Variants in NCF2 observed in about 807,000 individuals in gnomAD.
The protein encoded by NCF2 is neutrophil cytosolic factor 2.
A neutral mutation model predicts 70.9 loss-of-function variants in NCF2; 45 were observed. The observed-to-expected ratio is 0.63, with a 90% CI of 0.50 to 0.81. The LOEUF (loss-of-function observed/expected upper bound fraction) is 0.81, where lower values mean the gene tolerates loss of function less well. NCF2 is among the 40% of genes least tolerant of loss of function. The probability of loss-of-function intolerance (pLI) is 0.00; values close to 1 mark genes in which losing one functional copy is unlikely to be tolerated. For synonymous variants in NCF2, 203 were observed against 233.6 expected, an observed-to-expected ratio of 0.87 and a Z score of 1.19; for missense variants, 522 against 631.6, an observed-to-expected ratio of 0.83 and a Z score of 1.86.
At chr1:183,599,484 C>CTTTCTTTCTTTCTT in the NCF2 span, among the ~76,000 whole-genome samples, 2 of 40,694 alleles carry the variant, frequency 4.9e-5, no homozygotes, top group Middle Eastern at 0.012. Context: ...CTTTCTTTCT[C>CTTTCTTTCTTTCTT]TTTTCTTTCT....
chr1:183,590,544 C>A (rs1233704634), upstream of NCF2: 4 of 640,444 alleles, frequency 6.2e-6, no homozygotes, highest in Non-Finnish European at 1.1e-5. Flanking sequence ...GACTCATAAC[C>A]CTACCATGAG....
chr1:183,598,501 C>G, the NCF2 span, among the ~76,000 whole-genome samples: 1 of 151,698 alleles, frequency 6.6e-6, no homozygotes, highest in Non-Finnish European at 1.5e-5. Flanking sequence ...TGGCTTCTGA[C>G]CAAGGAGAAA....
At chr1:183,557,645 TAC>T (rs1349267465) in intron 14 of NCF2, among the ~76,000 whole-genome samples, 1 of 152,230 alleles carries the variant, frequency 6.6e-6, no homozygotes, top group Non-Finnish European at 1.5e-5. Context: ...CTTAGACTTG[TAC>T]AGATAGGTCA....
intron 3 of NCF2, 92 bp from the exon 4 acceptor site, chr1:183,574,713 C>A: frequency 6.7e-7 from 1 of 1,488,820 alleles, no homozygotes; most frequent in South Asian, 1.1e-5. Context: ...AGAATGTTGC[C>A]TGGTAGCCTT....
intron 3 of NCF2, among the ~76,000 whole-genome samples, chr1:183,575,312 A>G (rs1672752539): frequency 6.6e-6 from 1 of 152,240 alleles, no homozygotes; most frequent in East Asian, 1.9e-4. Context: ...TCTACTAAAA[A>G]TACAAAAATT....
intron 6 of NCF2, 186 bp from the exon 7 acceptor site, chr1:183,569,371 C>T (rs1672447296): frequency 4.6e-6 from 3 of 649,034 alleles, no homozygotes; most frequent in Non-Finnish European, 8.4e-6. Flanking sequence ...TGGGAAATAA[C>T]ACCTCCCACC....
At chr1:183,566,563 A>G (rs1239204056) in intron 9 of NCF2, among the ~76,000 whole-genome samples, 1 of 152,170 alleles carries the variant, frequency 6.6e-6, no homozygotes, top group African/African-American at 2.4e-5. Flanking sequence ...TTCTAATGGC[A>G]TTGTACCAGC....
chr1:183,561,049 C>G (rs1460534300), intron 13 of NCF2, among the ~76,000 whole-genome samples: 1 of 152,226 alleles, frequency 6.6e-6, no homozygotes, highest in Non-Finnish European at 1.5e-5. Flanking sequence ...AATTCTGATA[C>G]TTGCTAAAGT....
At chr1:183,577,373 C>A (rs1672842645) in intron 3 of NCF2, among the ~76,000 whole-genome samples, 1 of 152,238 alleles carries the variant, frequency 6.6e-6, no homozygotes, top group Non-Finnish European at 1.5e-5. Context: ...TTGCGCTTCA[C>A]ATTAATAAAA....
At chr1:183,585,880 C>A (rs1365875466) in intron 2 of NCF2, among the ~76,000 whole-genome samples, 1 of 152,106 alleles carries the variant, frequency 6.6e-6, no homozygotes, top group Non-Finnish European at 1.5e-5. Flanking sequence ...TATAAACAAA[C>A]CTAAAAATGC....
chr1:183,564,907 G>A (rs764328286), intron 10 of NCF2, among the ~76,000 whole-genome samples: 3 of 152,204 alleles, frequency 2.0e-5, no homozygotes, highest in Non-Finnish European at 4.4e-5. Flanking sequence ...GAAGTGTCAC[G>A]AGTCTGTAAC....
chr1:183,592,320 C>A (rs997679393), upstream of NCF2, among the ~76,000 whole-genome samples: 9 of 152,250 alleles, frequency 5.9e-5, no homozygotes, highest in Admixed American at 3.9e-4. Context: ...CTTTGCCTGG[C>A]AAACTCCTAC....
intron 10 of NCF2, among the ~76,000 whole-genome samples, chr1:183,564,278 C>G (rs1672210269): frequency 6.6e-6 from 1 of 151,944 alleles, no homozygotes; most frequent in Admixed American, 6.6e-5. Flanking sequence ...TACCAAAGGA[C>G]CAGCATATCC....
At chr1:183,564,069 G>A in intron 10 of NCF2, 39 bp from the exon 11 acceptor site, 1 of 1,591,622 alleles carries the variant, frequency 6.3e-7, no homozygotes. Context: ...AAAGAAGATG[G>A]TGAATGAACA....
intron 13 of NCF2, among the ~76,000 whole-genome samples, chr1:183,562,178 G>A (rs1439261957): frequency 6.6e-6 from 1 of 152,108 alleles, no homozygotes; most frequent in Non-Finnish European, 1.5e-5. Context: ...AGTTGTAAGA[G>A]GGTTGGCTAT....
intron 2 of NCF2, among the ~76,000 whole-genome samples, chr1:183,581,037 T>C (rs1345426120): frequency 6.7e-6 from 1 of 149,128 alleles, no homozygotes; most frequent in African/African-American, 2.5e-5. Flanking sequence ...GAGAAAGAAC[T>C]GACAAATTAT....
chr1:183,581,653 G>T (rs1340940038), intron 2 of NCF2, among the ~76,000 whole-genome samples: 2 of 147,610 alleles, frequency 1.4e-5, no homozygotes, highest in East Asian at 2.1e-4. Context: ...TTAAAACGGG[G>T]AAGGGGCATC....
chr1:183,581,703 C>G (rs1673090654), intron 2 of NCF2, among the ~76,000 whole-genome samples: 1 of 151,320 alleles, frequency 6.6e-6, no homozygotes, highest in South Asian at 2.1e-4. Flanking sequence ...GAGTCTCGCT[C>G]TGTTGCCCTG....
At chr1:183,557,444 C>G (rs181093436) in intron 14 of NCF2, among the ~76,000 whole-genome samples, 5 of 152,314 alleles carry the variant, frequency 3.3e-5, no homozygotes, top group Admixed American at 3.3e-4. Flanking sequence ...AATGAAAAAT[C>G]CCAGATCCAA....
Sources: allele counts gnomAD v4.1 joint callset (sites outside exome capture counted in the v4.1 genomes callset), GRCh38; gene constraint gnomAD v4.1.1; transcripts MANE v1.5; gene names NCBI Gene and HGNC (gene_info 2026-07-23, HGNC 2026-07-21).